The following RC3H2 variants were observed in gnomAD, a reference collection of about 807,000 sequenced individuals.
RC3H2 encodes roquin-2.
In RC3H2, 31 loss-of-function variants were observed where a neutral mutation model predicts 133.3. The observed-to-expected ratio is 0.23, with a 90% CI of 0.17 to 0.31. The LOEUF (loss-of-function observed/expected upper bound fraction) is 0.31. Among genes scored for constraint, RC3H2 ranks in the 10% least tolerant of loss-of-function variants. RC3H2 has a pLI of 1.00. For synonymous variants in RC3H2, 517 were observed against 502.2 expected, an observed-to-expected ratio of 1.03 and a Z score of -0.40; for missense variants, 1,175 against 1,437.2, an observed-to-expected ratio of 0.82 and a Z score of 2.95.
intron 2 of RC3H2, among the ~76,000 whole-genome samples, chr9:122,896,478 C>T (rs1013940719): frequency 2.0e-5 from 3 of 152,134 alleles, no homozygotes; most frequent in Non-Finnish European, 4.4e-5. Flanking sequence ...CACTTATATA[C>T]ATAAATTTTA....
rs758687194 is a variant in RC3H2 at position 122,849,827 on chromosome 9, G to C, written c.3381-5C>G. On this transcript the variant is annotated splice_polypyrimidine_tract_variant and splice_region_variant and intron_variant, in intron 20 of 20. Transcript: ENST00000357244. ...AGAATTGTTTTTTGCTCCTCCCTGA[G>C]AAAAAAGAAATGACATTAAAAACAA... The C allele has an allele frequency of 6.4e-7, 1 of 1,551,050 alleles. No individual in the cohort carries two copies. The highest frequency in any genetic ancestry group is 8.7e-7 in the Non-Finnish European group (1 of 1,153,162).
intron 18 of RC3H2, among the ~76,000 whole-genome samples, chr9:122,853,353 G>T (rs1830120881): frequency 7.2e-6 from 1 of 138,246 alleles, no homozygotes. Context: ...ATCCCCCTCT[G>T]TGAGAAACAC....
chr9:122,890,191 A>T, intron 4 of RC3H2, 121 bp downstream of exon 4: 1 of 735,920 alleles, frequency 1.4e-6, no homozygotes, highest in Non-Finnish European at 2.3e-6. Flanking sequence ...ATTTATCTTT[A>T]ATTATATCAA....
At chr9:122,868,300 G>A (rs1455812474) in intron 9 of RC3H2, among the ~76,000 whole-genome samples, 64 of 152,358 alleles carry the variant, frequency 4.2e-4, no homozygotes, top group Non-Finnish European at 6.6e-4. Context: ...GGAATAGAAA[G>A]GGGGCAAAGG....
chr9:122,857,718 T>TG (rs1417474122), intron 13 of RC3H2, among the ~76,000 whole-genome samples: 2 of 152,230 alleles, frequency 1.3e-5, no homozygotes, highest in African/African-American at 4.8e-5. Flanking sequence ...TTTGAATTCT[T>TG]AGTAAAGGAC....
At chr9:122,851,759 G>C (rs570662225) in intron 18 of RC3H2, among the ~76,000 whole-genome samples, 60 of 152,340 alleles carry the variant, frequency 3.9e-4, no homozygotes, top group Non-Finnish European at 7.9e-4. Context: ...TCGGCCTCCC[G>C]AGGTGCCGGG....
chr9:122,900,533 G>T (rs929198130), intron 1 of RC3H2, among the ~76,000 whole-genome samples: 8 of 151,952 alleles, frequency 5.3e-5, no homozygotes, highest in African/African-American at 1.9e-4. Flanking sequence ...TACCAAAAAT[G>T]GTAAATATCC....
At chr9:122,882,950 CAA>C (rs1831716132) in intron 5 of RC3H2, among the ~76,000 whole-genome samples, 1 of 152,184 alleles carries the variant, frequency 6.6e-6, no homozygotes, top group Non-Finnish European at 1.5e-5. Context: ...TGATAAGAGT[CAA>C]GTTTACCAAA....
rs1016529904 is a variant in RC3H2 at position 122,848,483 on chromosome 9, T to C, written c.*1144A>G. The stretch of plus-strand genomic sequence containing the variant: ...AGTCACATTTTAGCAAGGCAGAAAT[T>C]ATTCATGTTCTTAAGTATGAATAAA... On this transcript the variant is annotated 3_prime_UTR_variant, in exon 21 of 21. Transcript: ENST00000357244. The C allele has an allele frequency of 2.0e-5, 3 of 152,192 alleles. No homozygotes were observed. The highest frequency in any genetic ancestry group is 7.2e-5 in the African/African-American group (3 of 41,456). The allele number at this position is 152,192 out of a possible 1,614,324, so 9.4% of individuals were successfully genotyped here.
intron 13 of RC3H2, among the ~76,000 whole-genome samples, chr9:122,857,677 A>C (rs1443516855): frequency 6.6e-6 from 1 of 152,246 alleles, no homozygotes; most frequent in African/African-American, 2.4e-5. Flanking sequence ...TTAATAAAAC[A>C]ACCATAAAAT....
rs978206657 is a variant in RC3H2 at position 122,862,191 on chromosome 9, T to C, written c.1635-2060A>G. ...GAAATCATGCAAGCTATCTCAAAAA[T>C]TGGAACTTATAGAAAAAGCTAATCT... On this transcript the variant is annotated intron_variant, in intron 10 of 20. Coordinates refer to ENST00000357244, the MANE Select transcript of RC3H2 (RefSeq NM_001100588.3). Among the ~76,000 whole-genome samples, 6 of 151,226 alleles carry C rather than the reference T, an allele frequency of 4.0e-5. 1 individual carries two copies. The South Asian group carries it at 6.3e-4, about 16-fold the overall frequency.
At chr9:122,884,817 C>T (rs982812306) in intron 4 of RC3H2, among the ~76,000 whole-genome samples, 4 of 149,956 alleles carry the variant, frequency 2.7e-5, no homozygotes, top group Non-Finnish European at 4.4e-5. Context: ...TACGCCACTG[C>T]ACTCCAGCCT....
In RC3H2 at chr9:122,879,982, T is replaced by C. The variant is rs770959243; in HGVS notation, c.1093+11A>G. 8 of 1,613,998 alleles carry C rather than the reference T, an allele frequency of 5.0e-6. No individual in the cohort carries two copies. The East Asian group carries it at 1.6e-4, about 31-fold the overall frequency. ...AAAAAAATATAAGCAACTGAGCATA[T>C]TCCCACATACCTGGATTAGGGTCTA... On this transcript the variant is annotated intron_variant, in intron 7 of 20. Coordinates refer to ENST00000357244, the MANE Select transcript of RC3H2 (RefSeq NM_001100588.3).
chr9:122,868,183 C>T (rs62580918), intron 9 of RC3H2, among the ~76,000 whole-genome samples: 13 of 151,756 alleles, frequency 8.6e-5, no homozygotes, highest in African/African-American at 2.2e-4. Context: ...TCTGCCCGGC[C>T]GCCCCTACTG....
chr9:122,861,860 A>T (rs1214693420), intron 10 of RC3H2, among the ~76,000 whole-genome samples: 1 of 152,260 alleles, frequency 6.6e-6, no homozygotes, highest in Non-Finnish European at 1.5e-5. Flanking sequence ...TGTGGGTAAT[A>T]AAAGTAGGTA....
intron 4 of RC3H2, among the ~76,000 whole-genome samples, chr9:122,889,410 A>C (rs1832068452): frequency 6.6e-6 from 1 of 152,100 alleles, no homozygotes; most frequent in Admixed American, 6.6e-5. Context: ...AAATGCATCT[A>C]ATTTTGCTTT....
At chr9:122,895,760 T>C (rs937254264) in intron 2 of RC3H2, among the ~76,000 whole-genome samples, 1 of 152,188 alleles carries the variant, frequency 6.6e-6, no homozygotes, top group Non-Finnish European at 1.5e-5. Context: ...CTTTCTGGCT[T>C]TAATATGTAG....
At position 122,890,490 on chromosome 9, in the gene RC3H2, C is replaced by T. The variant is rs1478574192; in HGVS notation, c.405G>A (p.Val135=). The change falls in exon 4 of 21, where the codon GTG becomes GTA. Residue 135 remains valine (V), a synonymous_variant. Transcript: ENST00000357244. ...ALSRPMQRKL[V]TLVNCQLVEE... is the part of the protein sequence containing the mutation. ...CCACCAGTTGACAGTTTACAAGTGT[C>T]ACCAGTTTCCTTTGCATTGGACGGC... The T allele has an allele frequency of 3.7e-6, 6 of 1,614,102 alleles. No homozygotes were observed. The highest frequency in any genetic ancestry group is 1.3e-5 in the African/African-American group (1 of 74,932).
chr9:122,890,220 C>CG (rs757219079), intron 4 of RC3H2, 92 bp downstream of exon 4: 1 of 855,718 alleles, frequency 1.2e-6, no homozygotes, highest in Non-Finnish European at 1.9e-6. Flanking sequence ...CATATAAAGA[C>CG]GGGTTGAGTC....
Sources: allele counts gnomAD v4.1 joint callset (sites outside exome capture counted in the v4.1 genomes callset), GRCh38; gene constraint gnomAD v4.1.1; transcripts MANE v1.5; gene names NCBI Gene and HGNC (gene_info 2026-07-23, HGNC 2026-07-21).